The following ANKS1B variants were observed in gnomAD, a reference collection of about 807,000 sequenced individuals.
The protein encoded by ANKS1B is ankyrin repeat and sterile alpha motif domain-containing protein 1B.
A neutral mutation model predicts 148.3 loss-of-function variants in ANKS1B; 36 were observed. The ratio of observed to expected loss-of-function variants is 0.24; its 90% CI spans 0.19 to 0.32. The LOEUF is 0.32. ANKS1B is among the 10% of genes least tolerant of loss of function. The pLI is 1.00. For missense variants in ANKS1B, 1,157 were observed against 1,542.6 expected, an observed-to-expected ratio of 0.75 and a Z score of 4.19; for synonymous variants, 542 against 560.8, an observed-to-expected ratio of 0.97 and a Z score of 0.47.
intron 9 of ANKS1B, among the ~76,000 whole-genome samples, chr12:99,578,609 A>C (rs1039047197): frequency 1.2e-4 from 19 of 152,182 alleles, no homozygotes; most frequent in African/African-American, 4.6e-4. Flanking sequence ...ACAGCCACAA[A>C]AAGAATAAAA....
chr12:99,606,928 T>C (rs768653215), intron 9 of ANKS1B, among the ~76,000 whole-genome samples: 3 of 152,110 alleles, frequency 2.0e-5, no homozygotes, highest in Non-Finnish European at 4.4e-5. Flanking sequence ...CTCCCCATTG[T>C]TCACCCCAGC....
At chr12:99,290,661 A>AG (rs1248034583) in intron 12 of ANKS1B, among the ~76,000 whole-genome samples, 11 of 152,106 alleles carry the variant, frequency 7.2e-5, no homozygotes, top group Non-Finnish European at 1.6e-4. Flanking sequence ...AACAGAATAA[A>AG]GGGAAAAAAA....
At chr12:99,493,635 G>A (rs1483127810) in intron 10 of ANKS1B, among the ~76,000 whole-genome samples, 5 of 152,150 alleles carry the variant, frequency 3.3e-5, no homozygotes, top group Non-Finnish European at 7.4e-5. Flanking sequence ...ATGAGGAATT[G>A]ATAGGGAGGT....
chr12:98,769,949 CT>C (rs1212908799), intron 25 of ANKS1B, among the ~76,000 whole-genome samples: 30 of 152,304 alleles, frequency 2.0e-4, no homozygotes, highest in African/African-American at 7.2e-4. Flanking sequence ...ATTGCTTTCA[CT>C]TTTTCAATCC....
At chr12:99,012,294 G>A (rs1370052803) in intron 17 of ANKS1B, among the ~76,000 whole-genome samples, 1 of 152,172 alleles carries the variant, frequency 6.6e-6, no homozygotes, top group East Asian at 1.9e-4. Flanking sequence ...TTTAGACATA[G>A]AGCTAGTAAA....
chr12:99,648,075 G>A, intron 9 of ANKS1B: 1 of 1,495,142 alleles, frequency 6.7e-7, no homozygotes, highest in Non-Finnish European at 9.0e-7. Flanking sequence ...ACGACTGCTG[G>A]CCCACCTGCC....
intron 9 of ANKS1B, among the ~76,000 whole-genome samples, chr12:99,622,524 G>T (rs1238890855): frequency 6.6e-6 from 1 of 151,760 alleles, no homozygotes; most frequent in South Asian, 2.1e-4. Flanking sequence ...ACAAAGAGAA[G>T]AACACAATGA....
intron 2 of ANKS1B, among the ~76,000 whole-genome samples, chr12:99,816,294 A>G (rs2069131918): frequency 6.6e-6 from 1 of 151,810 alleles, no homozygotes; most frequent in Non-Finnish European, 1.5e-5. Flanking sequence ...TCTTCTTTTG[A>G]GAAATGTCTA....
chr12:99,276,748 T>G (rs1224862065), intron 12 of ANKS1B, among the ~76,000 whole-genome samples: 3 of 152,200 alleles, frequency 2.0e-5, no homozygotes, highest in Admixed American at 1.3e-4. Flanking sequence ...ATCAGACATT[T>G]AAAAAACATC....
chr12:99,197,474 C>T (rs187452879), intron 14 of ANKS1B, among the ~76,000 whole-genome samples: 6 of 152,084 alleles, frequency 3.9e-5, no homozygotes, highest in South Asian at 2.1e-4. Context: ...ATCCTAGGAA[C>T]GTATAAACAT....
chr12:99,788,585 A>G (rs1032764270), intron 4 of ANKS1B, among the ~76,000 whole-genome samples: 1 of 152,118 alleles, frequency 6.6e-6, no homozygotes, highest in South Asian at 2.1e-4. Context: ...AAAACAGCAG[A>G]GGGAAAAGTA....
At chr12:99,825,288 G>A (rs185279023) in intron 2 of ANKS1B, 21 bp downstream of exon 2, 32 of 1,593,568 alleles carry the variant, frequency 2.0e-5, no homozygotes, top group Middle Eastern at 1.7e-4. Flanking sequence ...ACACGATTCC[G>A]TCCAAATAAG....
At chr12:98,933,344 T>C (rs966570693) in intron 17 of ANKS1B, among the ~76,000 whole-genome samples, 1 of 152,190 alleles carries the variant, frequency 6.6e-6, no homozygotes, top group African/African-American at 2.4e-5. Flanking sequence ...GACTGAATAG[T>C]ATTCCATTGT....
At chr12:99,506,409 T>A (rs554603360) in intron 9 of ANKS1B, among the ~76,000 whole-genome samples, 1 of 151,964 alleles carries the variant, frequency 6.6e-6, no homozygotes, top group Non-Finnish European at 1.5e-5. Context: ...ATTATGGTCA[T>A]GATACTCCAT....
chr12:98,900,487 A>C (rs2099770514), intron 17 of ANKS1B, among the ~76,000 whole-genome samples: 1 of 152,190 alleles, frequency 6.6e-6, no homozygotes, highest in Non-Finnish European at 1.5e-5. Context: ...AACTTACAAA[A>C]CTTAAGGCTG....
Position 99,854,580 on chromosome 12 carries a change from C to T in ANKS1B, c.135-29191G>A, listed in dbSNP as rs541183705. Among the ~76,000 whole-genome samples, 41 of 152,194 alleles carry T rather than the reference C, an allele frequency of 2.7e-4. No individual in the cohort carries two copies. In the South Asian group the frequency reaches 7.3e-3, roughly 27 times the overall value. ...GAAATTCATCGCAAAAAGATCATCA[C>T]GTAGGTACACAGTCCTCAGTTTATC... On this transcript the variant is annotated intron_variant, in intron 1 of 26. Transcript: ENST00000683438.
chr12:99,355,826 C>T (rs2091921463), intron 12 of ANKS1B, among the ~76,000 whole-genome samples: 1 of 152,098 alleles, frequency 6.6e-6, no homozygotes, highest in Admixed American at 6.6e-5. Context: ...ATCCTTTTAT[C>T]TCCTTTCCAT....
intron 16 of ANKS1B, among the ~76,000 whole-genome samples, chr12:99,082,556 A>G (rs1246178331): frequency 6.6e-6 from 1 of 152,120 alleles, no homozygotes. Context: ...TAGAAATTCA[A>G]TTATAGAGGG....
intron 17 of ANKS1B, among the ~76,000 whole-genome samples, chr12:98,917,698 G>A (rs1363919588): frequency 6.6e-6 from 1 of 152,218 alleles, no homozygotes; most frequent in Non-Finnish European, 1.5e-5. Flanking sequence ...TGACAGCTCT[G>A]AGATTAGTGA....
Sources: gnomAD v4.1 joint callset for allele counts (sites outside exome capture counted in the v4.1 genomes callset) on GRCh38, gnomAD v4.1.1 for gene constraint, MANE v1.5 for transcripts, NCBI Gene and HGNC (gene_info 2026-07-23, HGNC 2026-07-21) for gene names.